TBC1D12: variants seen among roughly 807,000 people sequenced by gnomAD.
TBC1D12 encodes the protein TBC1 domain family member 12.
TBC1D12 carries 56 observed loss-of-function variants against 86.7 expected under a neutral mutation model. That is an observed-to-expected ratio of 0.65 (90% CI 0.52 to 0.81). TBC1D12 has a LOEUF of 0.81. TBC1D12 is among the 30% of genes least tolerant of loss of function. The probability of loss-of-function intolerance (pLI) is 0.00; values close to 1 mark genes in which losing one functional copy is unlikely to be tolerated. For missense variants in TBC1D12, 1,023 were observed against 1,038.8 expected, an observed-to-expected ratio of 0.98 and a Z score of 0.21; for synonymous variants, 421 against 411.7, an observed-to-expected ratio of 1.02 and a Z score of -0.27.
intron 2 of TBC1D12, among the ~76,000 whole-genome samples, chr10:94,473,082 C>T (rs1027924597): frequency 3.3e-5 from 5 of 151,944 alleles, no homozygotes; most frequent in Non-Finnish European, 5.9e-5. Context: ...AGGCCGGGCA[C>T]GGTGGCTCAC....
intron 11 of TBC1D12, among the ~76,000 whole-genome samples, chr10:94,522,674 G>A (rs975401374): frequency 1.3e-5 from 2 of 152,050 alleles, no homozygotes; most frequent in African/African-American, 4.8e-5. Context: ...AGCACTTTGG[G>A]AGGCCGAGGT....
At chr10:94,480,844 T>G (rs1393706129) in intron 3 of TBC1D12, among the ~76,000 whole-genome samples, 1 of 148,088 alleles carries the variant, frequency 6.8e-6, no homozygotes, top group Non-Finnish European at 1.5e-5. Context: ...GCCACTGCAC[T>G]CCAGCCTGGG....
intron 2 of TBC1D12, among the ~76,000 whole-genome samples, chr10:94,471,417 A>T (rs910093528): frequency 6.6e-6 from 1 of 152,158 alleles, no homozygotes; most frequent in South Asian, 2.1e-4. Context: ...ACTTGGCTTT[A>T]TCCAAACTTT....
chr10:94,438,721 A>T (rs1489553514), intron 1 of TBC1D12, among the ~76,000 whole-genome samples: 3 of 150,314 alleles, frequency 2.0e-5, no homozygotes, highest in Admixed American at 6.6e-5. Flanking sequence ...TTCATCAAGC[A>T]CTCCCCTGGT....
At chr10:94,522,554 C>A in intron 11 of TBC1D12, 101 bp downstream of exon 11, 2 of 537,462 alleles carry the variant, frequency 3.7e-6, no homozygotes, top group South Asian at 2.9e-5. Context: ...CAGGATTTTA[C>A]ATATAAAGAG....
intron 4 of TBC1D12, among the ~76,000 whole-genome samples, chr10:94,496,286 A>T (rs1363364358): frequency 6.6e-6 from 1 of 152,144 alleles, no homozygotes; most frequent in Non-Finnish European, 1.5e-5. Flanking sequence ...TATTTGAGAC[A>T]TCTCTTCTTC....
intron 2 of TBC1D12, among the ~76,000 whole-genome samples, chr10:94,462,373 C>T (rs1386753280): frequency 6.6e-6 from 1 of 152,026 alleles, no homozygotes. Context: ...CTGTGAAATA[C>T]AGGATATTTA....
chr10:94,410,312 C>G (rs1194144231), intron 1 of TBC1D12, among the ~76,000 whole-genome samples: 1 of 152,196 alleles, frequency 6.6e-6, no homozygotes, highest in Non-Finnish European at 1.5e-5. Context: ...GATTTAAAAA[C>G]CAGTACCTGT....
chr10:94,521,114 G>A (rs1456477158), intron 9 of TBC1D12, among the ~76,000 whole-genome samples: 1 of 151,498 alleles, frequency 6.6e-6, no homozygotes, highest in Non-Finnish European at 1.5e-5. Context: ...AGGAGGCTGA[G>A]GCAGGAGGAT....
At chr10:94,415,129 A>G (rs2054981402) in intron 1 of TBC1D12, among the ~76,000 whole-genome samples, 1 of 152,250 alleles carries the variant, frequency 6.6e-6, no homozygotes, top group Non-Finnish European at 1.5e-5. Context: ...ACCCACATGG[A>G]AAAAATTCAT....
At position 94,488,726 on chromosome 10, in the gene TBC1D12, G is replaced by T. The variant is rs145145197; in HGVS notation, c.1212-4639G>T. 3.2e-4 allele frequency among the ~76,000 whole-genome samples: 48 copies of T among 151,916 alleles called. 1 individual carries two copies. In the East Asian group the frequency reaches 8.4e-3, roughly 27 times the overall value. ...CTTTAGTCAGCATGTGATGAATCCT[G>T]CCAGGGCTGGATTCTTTCTTTCAAG... On this transcript the variant is annotated intron_variant, in intron 3 of 12. Transcript: ENST00000225235.
At chr10:94,456,065 G>T (rs902665991) in intron 2 of TBC1D12, among the ~76,000 whole-genome samples, 7 of 151,584 alleles carry the variant, frequency 4.6e-5, no homozygotes, top group Non-Finnish European at 8.8e-5. Flanking sequence ...TGTCTTTTTT[G>T]TTTTCTCTTA....
intron 5 of TBC1D12, among the ~76,000 whole-genome samples, 171 bp downstream of exon 5, chr10:94,497,343 T>G (rs553769174): frequency 1.3e-5 from 2 of 152,030 alleles, no homozygotes; most frequent in East Asian, 3.9e-4. Context: ...AGATCTCATG[T>G]TTCTGATTCT....
intron 2 of TBC1D12, among the ~76,000 whole-genome samples, chr10:94,459,499 C>T (rs1348124136): frequency 6.6e-6 from 1 of 152,194 alleles, no homozygotes; most frequent in Admixed American, 6.5e-5. Flanking sequence ...CGCCCGCATT[C>T]CTCAGCCCTT....
intron 11 of TBC1D12, among the ~76,000 whole-genome samples, chr10:94,524,027 A>C (rs1371827883): frequency 6.6e-6 from 1 of 152,180 alleles, no homozygotes; most frequent in Non-Finnish European, 1.5e-5. Context: ...CCATTTTATT[A>C]CTTGTGTTTA....
chr10:94,476,224 T>A (rs2055986181), intron 3 of TBC1D12, among the ~76,000 whole-genome samples: 1 of 152,088 alleles, frequency 6.6e-6, no homozygotes, highest in African/African-American at 2.4e-5. Context: ...AATAAAATAG[T>A]CTGGAGCCAA....
chr10:94,463,510 T>A (rs11187966), intron 2 of TBC1D12, among the ~76,000 whole-genome samples: 55,121 of 152,076 alleles, frequency 0.36, 10,625 homozygotes, highest in East Asian at 0.7. Flanking sequence ...GATTAATCCA[T>A]TCATGAGGGC....
chr10:94,428,216 G>T (rs1327693785), intron 1 of TBC1D12, among the ~76,000 whole-genome samples: 2 of 151,900 alleles, frequency 1.3e-5, no homozygotes, highest in African/African-American at 2.4e-5. Context: ...CTTGGAAGTG[G>T]TAGGTTGGTG....
At chr10:94,483,171 A>C (rs1330171792) in intron 3 of TBC1D12, among the ~76,000 whole-genome samples, 1 of 151,510 alleles carries the variant, frequency 6.6e-6, no homozygotes, top group Non-Finnish European at 1.5e-5. Flanking sequence ...CTGTTGATGG[A>C]CACAGGTTGC....
Sources: gnomAD v4.1 joint callset for allele counts (sites outside exome capture counted in the v4.1 genomes callset) on GRCh38, gnomAD v4.1.1 for gene constraint, MANE v1.5 for transcripts, NCBI Gene and HGNC (gene_info 2026-07-23, HGNC 2026-07-21) for gene names.